BTF3: variants seen among roughly 807,000 people sequenced by gnomAD.
BTF3 encodes transcription factor BTF3.
Under a neutral mutation model 23.9 loss-of-function variants are expected in BTF3, and 12 were observed. That is an observed-to-expected ratio of 0.50 (90% confidence interval 0.32 to 0.81). BTF3 has a LOEUF of 0.81. Among genes scored for constraint, BTF3 ranks in the 40% least tolerant of loss-of-function variants. BTF3 has a pLI of 0.03. For missense variants in BTF3, 215 were observed against 255.9 expected, an observed-to-expected ratio of 0.84 and a Z score of 1.09; for synonymous variants, 96 against 94.8, an observed-to-expected ratio of 1.01 and a Z score of -0.07.
Position 73,503,107 on chromosome 5 carries a change from G to A in BTF3, c.507G>A (p.Leu169=), listed in dbSNP as rs1220497399. The A allele has an allele frequency of 6.2e-7, 1 of 1,613,356 alleles. No individual in the cohort carries two copies. Among genetic ancestry groups the A allele is most frequent in the Non-Finnish European group, 8.5e-7 (1 of 1,179,578 alleles). The change falls in exon 4 of 6, where the codon CTG becomes CTA. Residue 169 remains leucine (L), a synonymous_variant. Transcript: ENST00000380591. The part of the protein sequence containing the change: ...LTSLRRLAEA[L]PKQSVDGKAP... ...GTTTAAGGAGACTGGCCGAAGCTCT[G>A]CCCAAACAATGTGAGTTTCCTAGTA... is the stretch of plus-strand genomic sequence containing the variant.
intron 2 of BTF3, 112 bp from the exon 3 acceptor site, chr5:73,502,376 A>T: frequency 2.8e-6 from 2 of 703,162 alleles, no homozygotes; most frequent in Non-Finnish European, 4.5e-6. Context: ...GATTATGGTA[A>T]TGTTCTTATA....
rs755041505 is a variant in BTF3 at position 73,503,123 on chromosome 5, TTTCCTAGTAATGG to T, written c.517+9_517+21del. 1.6e-5 allele frequency: 25 copies of T among 1,612,124 alleles called. No homozygotes were observed. The South Asian group carries it at 2.5e-4, about 16-fold the overall frequency. ...CGAAGCTCTGCCCAAACAATGTGAG[TTTCCTAGTAATGG>T]TTTTACCAGGGAATTACTCATTTAG... On this transcript the variant is annotated splice_region_variant and intron_variant, in intron 4 of 5. Transcript: ENST00000380591.
chr5:73,505,398 T>C lies in BTF3; in HGVS notation c.*160T>C. ...CCTTGGACACTGCAGCTCTTTTCAG[T>C]TTTTGCTTATACACAATTCATTCTT... On this transcript the variant is annotated 3_prime_UTR_variant, in exon 6 of 6. Transcript: ENST00000380591. 1.7e-6 allele frequency: 1 copy of C among 573,436 alleles called. No individual in the cohort carries two copies. The highest frequency in any genetic ancestry group is 3.0e-6 in the Non-Finnish European group (1 of 335,922). The allele number at this position is 573,436 out of a possible 1,614,324, so 35.5% of individuals were successfully genotyped here.
At chr5:73,500,694 A>G (rs3797857) in intron 2 of BTF3, among the ~76,000 whole-genome samples, 31,779 of 152,132 alleles carry the variant, frequency 0.21, 6,104 homozygotes, top group East Asian at 0.52. Context: ...TAAATGTTAC[A>G]AAAGCCCTTT....
chr5:73,505,314 G>T lies in BTF3; in HGVS notation c.*76G>T. The T allele has an allele frequency of 5.1e-6, 7 of 1,383,906 alleles. No homozygotes were observed. The South Asian group carries it at 7.5e-5, about 15-fold the overall frequency. The allele number at this position is 1,383,906 out of a possible 1,614,324, so 85.7% of individuals were successfully genotyped here. A position where few individuals can be genotyped will look rare whatever the true frequency, so the allele number is the denominator to read the frequency against. Reference sequence around the variant, plus strand: ...ATTTTATATTATGACTGCTTTTTAAGAAATTTTTGTTTATGGATCTGATAA... The same window carrying T: ...ATTTTATATTATGACTGCTTTTTAATAAATTTTTGTTTATGGATCTGATAA... On this transcript the variant is annotated 3_prime_UTR_variant, in exon 6 of 6. Transcript: ENST00000380591.
In BTF3 at chr5:73,502,998, C is replaced by T; in HGVS notation, c.398C>T (p.Thr133Ile). 1 of 1,613,820 alleles carries T rather than the reference C, an allele frequency of 6.2e-7. No homozygotes were observed. Residue 133 changes from threonine to isoleucine, a missense_variant, in exon 4 of 6, where the codon ACC becomes ATC. This residue lies in a region of BTF3 where 99 missense variants were observed against 171.2 expected (regional missense o/e 0.58). Coordinates refer to ENST00000380591, the MANE Select transcript of BTF3 (RefSeq NM_001037637.2). ...GCATCTCTGGCAGCGAACACTTTCA[C>T]CATTACAGGCCATGCTGAGACAAAG... Reference protein sequence around the residue: ...VQASLAANTFTITGHAETKQL... With the variant: ...VQASLAANTFIITGHAETKQL...
intron 1 of BTF3, 70 bp from the exon 2 acceptor site, chr5:73,499,064 G>T (rs1351577655): frequency 4.1e-6 from 6 of 1,467,666 alleles, no homozygotes; most frequent in East Asian, 2.3e-5. Flanking sequence ...CTGGTATCTT[G>T]GGAAATAACG....
chr5:73,504,958 T>G, intron 5 of BTF3: 1 of 416,110 alleles, frequency 2.4e-6, no homozygotes, highest in Non-Finnish European at 4.2e-6. Context: ...ATTTTAACAT[T>G]GTGTGTCATT....
At chr5:73,502,717 G>T in intron 3 of BTF3, 116 bp downstream of exon 3, 2 of 837,142 alleles carry the variant, frequency 2.4e-6, no homozygotes, top group East Asian at 5.3e-5. Flanking sequence ...AAGTCCCTAA[G>T]ATGTGTTTCT....
At chr5:73,504,477 AC>A in intron 5 of BTF3, 74 bp downstream of exon 5, 2 of 1,272,320 alleles carry the variant, frequency 1.6e-6, no homozygotes, top group Non-Finnish European at 1.1e-6. Flanking sequence ...AGGAAAAACT[AC>A]CCAGGGAAGA....
chr5:73,503,097 C>T lies in BTF3; in HGVS notation c.497C>T (p.Ala166Val), dbSNP rs1746477763. The T allele has an allele frequency of 1.2e-6, 2 of 1,613,702 alleles. No individual in the cohort carries two copies. Among genetic ancestry groups the T allele is most frequent in the Admixed American group, 3.3e-5 (2 of 60,008 alleles). The stretch of plus-strand genomic sequence containing the variant: ...AGTCTGACTAGTTTAAGGAGACTGG[C>T]CGAAGCTCTGCCCAAACAATGTGAG... Reference protein sequence around the residue: ...ADSLTSLRRLAEALPKQSVDG... With the variant: ...ADSLTSLRRLVEALPKQSVDG... Residue 166 changes from alanine (A) to valine (V), a missense_variant, in exon 4 of 6, where the codon GCC becomes GTC. This residue lies in a region of BTF3 where 99 missense variants were observed against 171.2 expected (regional missense o/e 0.58). Transcript: ENST00000380591.
In BTF3 at chr5:73,500,277, A is replaced by G. The variant is rs1177872548; in HGVS notation, c.201+1075A>G. 2.6e-5 allele frequency among the ~76,000 whole-genome samples: 4 copies of G among 152,280 alleles called. No homozygotes were observed. The East Asian group carries it at 7.7e-4, about 29-fold the overall frequency. On this transcript the variant is annotated intron_variant, in intron 2 of 5. Transcript: ENST00000380591. The stretch of plus-strand genomic sequence containing the variant: ...AATTGTTATCAGACTGTGGCCTTCA[A>G]GTGCCAGCAAAACTCAAATTTTTTG...
rs1746395026 is a variant in BTF3, at chr5:73,499,900, AG to A, written c.201+700del. Among the ~76,000 whole-genome samples the A allele has an allele frequency of 1.3e-5, 2 of 152,220 alleles. 1 individual carries two copies. The highest frequency in any genetic ancestry group is 4.1e-4 in the South Asian group (2 of 4,826). ...TTAATAAGAAGTCCACTGTAGACAG[AG>A]GTCTACCTAGTTTGTATTGTTAGCA... On this transcript the variant is annotated intron_variant, in intron 2 of 5. Transcript: ENST00000380591.
At position 73,505,153 on chromosome 5, in the gene BTF3, T is replaced by C. The variant is rs1384829264; in HGVS notation, c.575-39T>C. The C allele has an allele frequency of 2.6e-6, 4 of 1,524,648 alleles. No individual in the cohort carries two copies. In the African/African-American group the frequency reaches 4.1e-5, roughly 16 times the overall value. 94.4% of individuals were successfully genotyped at this position (1,524,648 alleles called of 1,614,324 possible). ...AATATCTGATAATTATTTGTAGATT[T>C]GGCTTTTTTAAGAATTTCTACTCTT... On this transcript the variant is annotated intron_variant, in intron 5 of 5. Coordinates refer to ENST00000380591, the MANE Select transcript of BTF3 (RefSeq NM_001037637.2).
chr5:73,499,430 T>C, intron 2 of BTF3: 1 of 628,182 alleles, frequency 1.6e-6, no homozygotes, highest in Non-Finnish European at 2.8e-6. Flanking sequence ...TTTTCAGTGT[T>C]ACAGAGTGTA....
At chr5:73,503,801 A>G (rs1210297290) in intron 4 of BTF3, among the ~76,000 whole-genome samples, 2 of 152,206 alleles carry the variant, frequency 1.3e-5, no homozygotes, top group African/African-American at 4.8e-5. Flanking sequence ...AGGCTTTTGA[A>G]GTATCCCACT....
At chr5:73,504,985 C>T (rs186788984) in intron 5 of BTF3, among the ~76,000 whole-genome samples, 8 of 137,542 alleles carry the variant, frequency 5.8e-5, no homozygotes, top group Non-Finnish European at 8.9e-5. Context: ...TTTGGTTCTG[C>T]TCCCCCACTA....
At chr5:73,503,248 C>A in intron 4 of BTF3, 131 bp downstream of exon 4, 1 of 958,298 alleles carries the variant, frequency 1.0e-6, no homozygotes, top group Non-Finnish European at 1.5e-6. Context: ...AGATTTGTAA[C>A]TGATTTTAAG....
chr5:73,500,039 A>G (rs936741843), intron 2 of BTF3, among the ~76,000 whole-genome samples: 6 of 152,230 alleles, frequency 3.9e-5, no homozygotes, highest in Non-Finnish European at 8.8e-5. Flanking sequence ...GTTTTTCCCA[A>G]CTTTAAGCGT....
Sources: allele counts gnomAD v4.1 joint callset (sites outside exome capture counted in the v4.1 genomes callset), GRCh38; gene constraint gnomAD v4.1.1; regional missense constraint gnomAD v4.1.1; transcripts MANE v1.5; gene names NCBI Gene and HGNC (gene_info 2026-07-23, HGNC 2026-07-21).